Variants in SSH2 observed in about 807,000 individuals in gnomAD.
SSH2 encodes the protein slingshot protein phosphatase 2.
A neutral mutation model predicts 135.2 loss-of-function variants in SSH2; 37 were observed. The observed-to-expected ratio is 0.27, with a 90% CI of 0.21 to 0.36. SSH2 has a LOEUF of 0.36. Ranked by LOEUF, SSH2 falls within the 10% of genes least tolerant of loss-of-function variation. The pLI is 1.00. For missense variants in SSH2, 1,408 were observed against 1,765.3 expected, an observed-to-expected ratio of 0.80 and a Z score of 3.63; for synonymous variants, 628 against 646.2, an observed-to-expected ratio of 0.97 and a Z score of 0.43.
At chr17:29,908,592 C>T (rs1026446136) in intron 1 of SSH2, among the ~76,000 whole-genome samples, 1 of 151,610 alleles carries the variant, frequency 6.6e-6, no homozygotes, top group Admixed American at 6.6e-5. Context: ...TGGTGAACCC[C>T]GTCTCTACTA....
Position 29,840,183 on chromosome 17 carries a change from G to C in SSH2, c.144+8666C>G, listed in dbSNP as rs534082173. On this transcript the variant is annotated intron_variant, in intron 2 of 15. Transcript: ENST00000540801. ...CTCAGCAGGACCTGCCTCAGATTAT[G>C]GAAGCAAGATAACTCAACTAGTTGG... is the stretch of plus-strand genomic sequence containing the variant. Among the ~76,000 whole-genome samples, 12 of 152,276 alleles carry C rather than the reference G, an allele frequency of 7.9e-5. No homozygotes were observed. The East Asian group carries it at 1.9e-3, about 24-fold the overall frequency.
At chr17:29,701,640 G>A (rs780799673) in intron 4 of SSH2, among the ~76,000 whole-genome samples, 7 of 151,712 alleles carry the variant, frequency 4.6e-5, no homozygotes, top group South Asian at 2.1e-4. Context: ...GCATGATCTC[G>A]GCTCACTGTA....
intron 2 of SSH2, among the ~76,000 whole-genome samples, chr17:29,833,770 C>T (rs564552982): frequency 9.5e-5 from 7 of 73,868 alleles, no homozygotes; most frequent in African/African-American, 3.5e-4. Context: ...TCCCTTTCTC[C>T]TTCCCTCCCT....
rs1215492055 is a variant in SSH2, at chr17:29,632,363, G to A, written c.2831C>T (p.Ala944Val). 1.9e-6 allele frequency: 3 copies of A among 1,613,974 alleles called. No homozygotes were observed. Among genetic ancestry groups the A allele is most frequent in the Non-Finnish European group, 2.5e-6 (3 of 1,179,868 alleles). ...DLAPKGKSDE[A>V]PPEHSFVLKE... ...GAGGACAAATGAATGTTCTGGGGGGGCTTCATCACTTTTCCCTTTTGGTGC... is the reference window on the plus strand; with the variant it reads ...GAGGACAAATGAATGTTCTGGGGGGACTTCATCACTTTTCCCTTTTGGTGC... Residue 944 changes from alanine to valine, a missense_variant, in exon 16 of 16, where the codon GCC becomes GTC. Physicochemically the swap from Ala to Val is moderately conservative, Grantham distance 64 (BLOSUM62 0). This residue lies in a region of SSH2 where 1,080 missense variants were observed against 1,144.5 expected (regional missense o/e 0.94). Transcript: ENST00000540801.
At chr17:29,864,935 G>A (rs1452502800) in intron 1 of SSH2, among the ~76,000 whole-genome samples, 1 of 152,072 alleles carries the variant, frequency 6.6e-6, no homozygotes, top group African/African-American at 2.4e-5. Flanking sequence ...AGCCCTCCAG[G>A]TAATTCAGAT....
intron 3 of SSH2, among the ~76,000 whole-genome samples, chr17:29,790,824 G>A (rs974875269): frequency 6.6e-5 from 10 of 150,734 alleles, no homozygotes; most frequent in African/African-American, 2.4e-4. Flanking sequence ...TGCCTCCCGA[G>A]TTCCAGTGAT....
chr17:29,827,223 T>G (rs1382278092), intron 2 of SSH2, among the ~76,000 whole-genome samples: 1 of 152,242 alleles, frequency 6.6e-6, no homozygotes, highest in African/African-American at 2.4e-5. Flanking sequence ...AATTCCCTCT[T>G]GCAGAATGAA....
intron 2 of SSH2, among the ~76,000 whole-genome samples, chr17:29,809,796 A>G (rs2042409843): frequency 6.6e-6 from 1 of 152,032 alleles, no homozygotes; most frequent in African/African-American, 2.4e-5. Flanking sequence ...GGCTCCGAGC[A>G]ATCCTTCCAC....
intron 2 of SSH2, among the ~76,000 whole-genome samples, chr17:29,809,827 G>C (rs1223291471): frequency 6.6e-6 from 1 of 151,994 alleles, no homozygotes; most frequent in Non-Finnish European, 1.5e-5. Flanking sequence ...CAAAGTGCTG[G>C]GATTACAGGC....
chr17:29,781,841 C>T (rs954513621), intron 3 of SSH2, among the ~76,000 whole-genome samples: 1 of 151,226 alleles, frequency 6.6e-6, no homozygotes, highest in Admixed American at 6.6e-5. Context: ...TCTCTCCTCT[C>T]TCTCTCTCTT....
chr17:29,896,737 A>G (rs1205692103), intron 1 of SSH2, among the ~76,000 whole-genome samples: 1 of 151,690 alleles, frequency 6.6e-6, no homozygotes, highest in Non-Finnish European at 1.5e-5. Flanking sequence ...ACACATTTAA[A>G]TATTCATTCT....
chr17:29,697,014 A>G (rs1232087941), intron 4 of SSH2, among the ~76,000 whole-genome samples: 1 of 152,024 alleles, frequency 6.6e-6, no homozygotes, highest in East Asian at 1.9e-4. Flanking sequence ...ATGCCACATA[A>G]GGGATATATA....
chr17:29,735,232 A>G (rs960100055), intron 3 of SSH2, among the ~76,000 whole-genome samples: 19 of 152,200 alleles, frequency 1.2e-4, no homozygotes, highest in African/African-American at 4.6e-4. Context: ...GTAGGTAAGA[A>G]TTCATAGCCT....
At chr17:29,885,482 GC>G (rs1241416167) in intron 1 of SSH2, among the ~76,000 whole-genome samples, 1 of 151,876 alleles carries the variant, frequency 6.6e-6, no homozygotes, top group Admixed American at 6.6e-5. Context: ...CTCTTGGCTG[GC>G]CCCTAGATAG....
intron 1 of SSH2, chr17:29,864,210 TAGG>T (rs2065814378): frequency 6.6e-6 from 1 of 151,940 alleles, no homozygotes; most frequent in African/African-American, 2.4e-5. Flanking sequence ...GAGGCTGAGG[TAGG>T]AGAATTGCTT....
chr17:29,683,539 T>C (rs1318390817), intron 6 of SSH2, among the ~76,000 whole-genome samples: 3 of 148,254 alleles, frequency 2.0e-5, no homozygotes, highest in African/African-American at 7.4e-5. Flanking sequence ...CAAAACAGAC[T>C]GTAGTTTAAG....
intron 1 of SSH2, among the ~76,000 whole-genome samples, chr17:29,857,897 C>T (rs188659011): frequency 6.6e-6 from 1 of 152,196 alleles, no homozygotes; most frequent in Non-Finnish European, 1.5e-5. Context: ...TTCATTTCCC[C>T]CTATTCCAAC....
intron 3 of SSH2, among the ~76,000 whole-genome samples, chr17:29,744,908 TAAAC>T (rs1401609758): frequency 3.3e-5 from 5 of 150,892 alleles, no homozygotes; most frequent in East Asian, 2.0e-4. Flanking sequence ...TGTGTTTAAA[TAAAC>T]AAACCATAAA....
Position 29,631,171 on chromosome 17 carries a change from G to C in SSH2, c.4023C>G (p.Pro1341=). The part of the protein sequence containing the change: ...DQESLENPGA[P]HNPEPTKSFV... ...AAGACTTGGTGGGCTCTGGGTTGTG[G>C]GGGGCACCTGGGTTTTCTAGGGACT... The change falls in exon 16 of 16, where the codon CCC becomes CCG. Residue 1341 remains proline (P), a synonymous_variant. Transcript: ENST00000540801. The C allele has an allele frequency of 6.2e-7, 1 of 1,614,166 alleles. No individual in the cohort carries two copies. The highest frequency in any genetic ancestry group is 8.5e-7 in the Non-Finnish European group (1 of 1,180,034).
Sources: allele counts gnomAD v4.1 joint callset (sites outside exome capture counted in the v4.1 genomes callset), GRCh38; gene constraint gnomAD v4.1.1; regional missense constraint gnomAD v4.1.1; transcripts MANE v1.5; gene names NCBI Gene and HGNC (gene_info 2026-07-23, HGNC 2026-07-21).